The following ACP3 variants were observed in gnomAD, a reference collection of about 807,000 sequenced individuals.
ACP3 encodes the protein prostatic acid phosphatase.
Under a neutral mutation model 45.6 loss-of-function variants are expected in ACP3, and 38 were observed. The observed-to-expected ratio is 0.83, with a 90% CI of 0.64 to 1.09. The LOEUF is 1.09. Ranked by LOEUF, ACP3 falls within the 50% of genes least tolerant of loss-of-function variation. ACP3 has a pLI of 0.00. For synonymous variants in ACP3, 162 were observed against 164.7 expected, an observed-to-expected ratio of 0.98 and a Z score of 0.13; for missense variants, 466 against 463.2, an observed-to-expected ratio of 1.01 and a Z score of -0.05.
intron 7 of ACP3, among the ~76,000 whole-genome samples, 159 bp downstream of exon 7, chr3:132,345,218 A>G (rs1937596292): frequency 6.6e-6 from 1 of 152,226 alleles, no homozygotes; most frequent in South Asian, 2.1e-4. Context: ...AATGATACCT[A>G]CTTCATAGAC....
chr3:132,341,154 G>A (rs991346461), intron 5 of ACP3, among the ~76,000 whole-genome samples: 2 of 152,020 alleles, frequency 1.3e-5, no homozygotes, highest in Non-Finnish European at 2.9e-5. Context: ...TATTTGCACT[G>A]GCCACTACTT....
At chr3:132,363,666 C>T (rs1042369602), downstream of ACP3, among the ~76,000 whole-genome samples, 6 of 152,138 alleles carry the variant, frequency 3.9e-5, no homozygotes, top group Non-Finnish European at 8.8e-5. Flanking sequence ...TGGCCAGGCA[C>T]GGTGGCTCAT....
At chr3:132,349,889 T>A (rs1433574595) in intron 7 of ACP3, 31 bp from the exon 8 acceptor site, 2 of 1,485,272 alleles carry the variant, frequency 1.3e-6, no homozygotes, top group East Asian at 4.5e-5. Flanking sequence ...TATGTTTGGT[T>A]CAGTTTGGTT....
chr3:132,338,460 T>C (rs1937520044), intron 5 of ACP3, among the ~76,000 whole-genome samples: 1 of 152,184 alleles, frequency 6.6e-6, no homozygotes, highest in African/African-American at 2.4e-5. Flanking sequence ...AATCTTTCAT[T>C]TTTACAAACA....
chr3:132,327,210 T>C (rs1937312984), intron 1 of ACP3, among the ~76,000 whole-genome samples: 1 of 152,274 alleles, frequency 6.6e-6, no homozygotes, highest in South Asian at 2.1e-4. Flanking sequence ...TAAAAATCTA[T>C]TATTTTTATT....
Position 132,337,522 on chromosome 3 carries a change from G to C in ACP3, c.523G>C (p.Glu175Gln). ...QELESETLKS[E>Q]EFQKRLHPYK... ...ACTTGAGAGTGAGACTTTGAAATCAGAGGAATTCCAGAAGAGGCTGCACCC... is the reference window on the plus strand; with the variant it reads ...ACTTGAGAGTGAGACTTTGAAATCACAGGAATTCCAGAAGAGGCTGCACCC... The change falls in exon 5 of 10, where the codon GAG (glutamate) becomes CAG (glutamine). Residue 175 changes from glutamate (E) to glutamine (Q), a missense_variant. Physicochemically the swap from Glu to Gln is conservative, Grantham distance 29. Transcript: ENST00000336375. 2 of 1,610,860 alleles carry C rather than the reference G, an allele frequency of 1.2e-6. No homozygotes were observed. The highest frequency in any genetic ancestry group is 1.7e-4 in the Middle Eastern group (1 of 6,054).
intron 7 of ACP3, among the ~76,000 whole-genome samples, chr3:132,346,736 T>C (rs1937613606): frequency 1.3e-5 from 2 of 152,158 alleles, no homozygotes; most frequent in South Asian, 4.1e-4. Context: ...CCCCATCAAA[T>C]GGTGGAAGCG....
In ACP3 at chr3:132,342,738, T is replaced by C. The variant is rs565585764; in HGVS notation, c.648+94T>C. The C allele has an allele frequency of 8.1e-6, 6 of 736,724 alleles. No individual in the cohort carries two copies. The East Asian group carries it at 1.6e-4, about 20-fold the overall frequency. 45.6% of individuals were successfully genotyped at this position (736,724 alleles called of 1,614,324 possible). The stretch of plus-strand genomic sequence containing the variant: ...ATGAATATCTTTTCTTTCACTTCTT[T>C]ATGAATGTATTACTTATACTTCTTT... On this transcript the variant is annotated intron_variant, in intron 6 of 9. Coordinates refer to ENST00000336375, the MANE Select transcript of ACP3 (RefSeq NM_001099.5).
In ACP3 at chr3:132,344,966, G is replaced by T; in HGVS notation, c.688G>T (p.Asp230Tyr). Reference sequence around the variant, plus strand: ...CACTTTACCCTCCTGGGCCACTGAGGACACCATGACTAAGTTGAGAGAATT... The same window carrying T: ...CACTTTACCCTCCTGGGCCACTGAGTACACCATGACTAAGTTGAGAGAATT... Reference protein sequence around the residue: ...NFTLPSWATEDTMTKLRELSE... With the variant: ...NFTLPSWATEYTMTKLRELSE... Residue 230 changes from aspartate to tyrosine, a missense_variant, in exon 7 of 10, where the codon GAC becomes TAC. By Grantham distance (160) the Asp-to-Tyr change is radical. Coordinates refer to ENST00000336375, the MANE Select transcript of ACP3 (RefSeq NM_001099.5). 3.1e-6 allele frequency: 5 copies of T among 1,613,820 alleles called. No individual in the cohort carries two copies. Among genetic ancestry groups the T allele is most frequent in the Non-Finnish European group, 4.2e-6 (5 of 1,179,888 alleles).
rs1340222475 is a variant in ACP3, at chr3:132,337,536, G to A, written c.537G>A (p.Lys179=). 1.2e-6 allele frequency: 2 copies of A among 1,609,548 alleles called. No individual in the cohort carries two copies. The highest frequency in any genetic ancestry group is 8.5e-7 in the Non-Finnish European group (1 of 1,176,444). Reference sequence around the variant, plus strand: ...CTTTGAAATCAGAGGAATTCCAGAAGAGGCTGCACCCTTATAAGGTTAAAA... The same window carrying A: ...CTTTGAAATCAGAGGAATTCCAGAAAAGGCTGCACCCTTATAAGGTTAAAA... ...SETLKSEEFQ[K]RLHPYKDFIA... The change falls in exon 5 of 10, where the codon AAG becomes AAA. Residue 179 remains lysine, a synonymous_variant. Transcript: ENST00000336375.
At chr3:132,356,384 G>A (rs1937896618) in intron 9 of ACP3, among the ~76,000 whole-genome samples, 1 of 151,954 alleles carries the variant, frequency 6.6e-6, no homozygotes, top group South Asian at 2.1e-4. Context: ...TTATCCAAAG[G>A]CTCAAAGTCC....
downstream of ACP3, among the ~76,000 whole-genome samples, chr3:132,363,135 C>T (rs998399988): frequency 2.6e-5 from 4 of 152,070 alleles, no homozygotes; most frequent in East Asian, 1.9e-4. Context: ...AGAAAGCATA[C>T]GCGCTCACCT....
chr3:132,322,286 T>C (rs1170085991), intron 1 of ACP3, among the ~76,000 whole-genome samples: 1 of 152,214 alleles, frequency 6.6e-6, no homozygotes, highest in African/African-American at 2.4e-5. Context: ...TTGTCCTGAT[T>C]GCTTCACGGG....
intron 10 of ACP3, among the ~76,000 whole-genome samples, chr3:132,366,334 A>C (rs1256739766): frequency 6.6e-6 from 1 of 151,924 alleles, no homozygotes; most frequent in Non-Finnish European, 1.5e-5. Flanking sequence ...GAGAAAGGAT[A>C]GATAGAAACA....
intron 7 of ACP3, 122 bp from the exon 8 acceptor site, chr3:132,349,798 C>A (rs906136132): frequency 1.8e-5 from 12 of 662,016 alleles, no homozygotes; most frequent in Non-Finnish European, 2.4e-5. Context: ...AAAATTAGAT[C>A]TTTGCCCCTC....
intron 9 of ACP3, among the ~76,000 whole-genome samples, chr3:132,354,868 T>G (rs9790214): frequency 0.48 from 72,234 of 151,952 alleles, 17,923 homozygotes; most frequent in Middle Eastern, 0.65. Context: ...CTCTTTGTAC[T>G]CATCTTTGGC....
chr3:132,367,692 A>G, intron 10 of ACP3: 1 of 1,570,232 alleles, frequency 6.4e-7, no homozygotes, highest in Non-Finnish European at 8.8e-7. Context: ...TACTTTTCCT[A>G]TTTTCCCACA....
chr3:132,341,843 A>C (rs574454843), intron 5 of ACP3, among the ~76,000 whole-genome samples: 1 of 152,316 alleles, frequency 6.6e-6, no homozygotes, highest in Admixed American at 6.5e-5. Context: ...TTCCCTAGAA[A>C]TTTCATCCAT....
At chr3:132,319,330 A>T (rs1331676477) in intron 1 of ACP3, among the ~76,000 whole-genome samples, 1 of 152,240 alleles carries the variant, frequency 6.6e-6, no homozygotes, top group East Asian at 1.9e-4. Flanking sequence ...GTTTTAAAAG[A>T]TGCCCATAAC....
Sources: gnomAD v4.1 joint callset for allele counts (sites outside exome capture counted in the v4.1 genomes callset) on GRCh38, gnomAD v4.1.1 for gene constraint, MANE v1.5 for transcripts, NCBI Gene and HGNC (gene_info 2026-07-23, HGNC 2026-07-21) for gene names.